CENPT: variants seen among roughly 807,000 people sequenced by gnomAD.
CENPT encodes interphase centromere complex protein 22.
CENPT carries 42 observed loss-of-function variants against 59.7 expected under a neutral mutation model. The observed-to-expected ratio is 0.70, with a 90% CI of 0.55 to 0.91. CENPT has a LOEUF of 0.91. Ranked by LOEUF, CENPT falls within the 40% of genes least tolerant of loss-of-function variation. The pLI is 0.00. For missense variants in CENPT, 716 were observed against 713.4 expected (o/e 1.00, Z -0.04); for synonymous variants, 295 against 289.6 (o/e 1.02, Z -0.19).
intron 4 of CENPT, 49 bp downstream of exon 4, chr16:67,833,701 T>C (rs375248908): frequency 1.7e-6 from 2 of 1,189,070 alleles, no homozygotes; most frequent in Non-Finnish European, 2.3e-6. Flanking sequence ...CAGACCCCAC[T>C]CCCCGGTCCC....
Position 67,842,349 on chromosome 16 carries a change from CCAGGCGGGCGGCGCGGCGCGGGCCGG to C in CENPT, c.-492+5026_-492+5051del. On this transcript the variant is annotated intron_variant, in intron 1 of 15. Transcript: ENST00000562787. This position sits in a 1 kb window ranked among gnomAD's most constrained non-coding sequence, Gnocchi z 4.9. ...CCCACTCCCGAGCGCAGGCGGGCAG[CCAGGCGGGCGGCGCGGCGCGGGCCGG>C]CAGGAAGCGTATTCTGGGCACGGGG... 4.9e-6 allele frequency: 1 copy of C among 205,172 alleles called. No homozygotes were observed. The allele number at this position is 205,172 out of a possible 1,614,324, so 12.7% of individuals were successfully genotyped here.
At chr16:67,832,604 A>T (rs1420861757) in intron 4 of CENPT, 59 bp from the exon 5 acceptor site, 2 of 1,467,606 alleles carry the variant, frequency 1.4e-6, no homozygotes, top group Non-Finnish European at 1.9e-6. Flanking sequence ...GAGAATATAG[A>T]GACATGCCTT....
At position 67,828,181 on chromosome 16, in the gene CENPT, G is replaced by A; in HGVS notation, c.*86C>T. On this transcript the variant is annotated 3_prime_UTR_variant, in exon 16 of 16. Transcript: ENST00000562787. ...ATTCTGTTTATGACACTTTATTGAT[G>A]CTGGGGGGGTGGGGAGGAGACCTGG... 1 of 1,367,642 alleles carries A rather than the reference G, an allele frequency of 7.3e-7. No individual in the cohort carries two copies. The highest frequency in any genetic ancestry group is 2.5e-5 in the East Asian group (1 of 39,232). 84.7% of individuals were successfully genotyped at this position (1,367,642 alleles called of 1,614,324 possible).
Position 67,831,748 on chromosome 16 carries a change from C to A in CENPT, c.523+6G>T. On this transcript the variant is annotated splice_donor_region_variant and intron_variant, in intron 8 of 15. Transcript: ENST00000562787. ...AGGGTAGCAAAAGTGGTGTCCAGGG[C>A]CTCACCTTGGGAGAGAGACAGCCCC... 6.3e-7 allele frequency: 1 copy of A among 1,580,722 alleles called. No individual in the cohort carries two copies.
At chr16:67,832,623 G>T (rs2057704549) in intron 4 of CENPT, 78 bp from the exon 5 acceptor site, 3 of 1,323,494 alleles carry the variant, frequency 2.3e-6, no homozygotes, top group Admixed American at 2.0e-5. Flanking sequence ...TTCATCAGGG[G>T]TCTTGGTCTG....
intron 1 of CENPT, among the ~76,000 whole-genome samples, chr16:67,839,554 C>T (rs1314846221): frequency 2.6e-5 from 4 of 151,660 alleles, no homozygotes; most frequent in Admixed American, 6.6e-5. Context: ...AGTGAGACAT[C>T]GTCTAAGAAA....
rs1274113256 is a variant in CENPT, at chr16:67,843,060, C to A, written c.-492+4341G>T. 6.2e-7 allele frequency: 1 copy of A among 1,612,046 alleles called. No homozygotes were observed. The highest frequency in any genetic ancestry group is 8.5e-7 in the Non-Finnish European group (1 of 1,180,030). ...CAGGCCACTGTAGACAGCAGTCAGG[C>A]TCCGGGATCCGTACAGCCGGCGCCC... On this transcript the variant is annotated intron_variant, in intron 1 of 15. Coordinates refer to ENST00000562787, the MANE Select transcript of CENPT (RefSeq NM_025082.4). This position sits in a 1 kb window ranked among gnomAD's most constrained non-coding sequence, Gnocchi z 5.7.
chr16:67,842,839 T>A lies in CENPT; in HGVS notation c.-492+4562A>T. 1 of 1,601,796 alleles carries A rather than the reference T, an allele frequency of 6.2e-7. No homozygotes were observed. The highest frequency in any genetic ancestry group is 8.5e-7 in the Non-Finnish European group (1 of 1,178,008). ...AGCGCAAAGTAGCGCGCAGACCCGC[T>A]GGGGCCGCGGCCGCCCGCCGCAGGC... On this transcript the variant is annotated intron_variant, in intron 1 of 15. Coordinates refer to ENST00000562787, the MANE Select transcript of CENPT (RefSeq NM_025082.4). This position sits in a 1 kb window ranked among gnomAD's most constrained non-coding sequence, Gnocchi z 4.9.
Position 67,843,634 on chromosome 16 carries a change from G to A in CENPT, c.-492+3767C>T. 1 of 880,020 alleles carries A rather than the reference G, an allele frequency of 1.1e-6. No homozygotes were observed. The highest frequency in any genetic ancestry group is 1.7e-6 in the Non-Finnish European group (1 of 584,124). The allele number at this position is 880,020 out of a possible 1,614,324, so 54.5% of individuals were successfully genotyped here. On this transcript the variant is annotated intron_variant, in intron 1 of 15. Transcript: ENST00000562787. This position sits in a 1 kb window ranked among gnomAD's most constrained non-coding sequence, Gnocchi z 5.7. ...TTAAGGCAGCTGGACTCTCTTGCTG[G>A]TGACCTGGCATCCTCAATTGTTTCC...
intron 13 of CENPT, chr16:67,829,129 G>C (rs1442589623): frequency 5.8e-6 from 3 of 516,732 alleles, no homozygotes; most frequent in African/African-American, 2.0e-5. Context: ...AGAATGGATA[G>C]TCTCTCTCCT....
At chr16:67,841,373 A>AC in intron 1 of CENPT, among the ~76,000 whole-genome samples, 1 of 152,170 alleles carries the variant, frequency 6.6e-6, no homozygotes, top group Admixed American at 6.6e-5. Flanking sequence ...GCTTGGCCCT[A>AC]CCCGGGCCAC....
intron 1 of CENPT, among the ~76,000 whole-genome samples, chr16:67,846,095 T>C (rs558685296): frequency 6.6e-6 from 1 of 152,294 alleles, no homozygotes; most frequent in East Asian, 1.9e-4. Flanking sequence ...AATGTTTGTG[T>C]TACCAAGAAA....
rs2057719596 is a variant in CENPT at position 67,834,005 on chromosome 16, G to A, written c.-146C>T. 1.8e-6 allele frequency: 1 copy of A among 550,720 alleles called. No individual in the cohort carries two copies. The allele number at this position is 550,720 out of a possible 1,614,324, so 34.1% of individuals were successfully genotyped here. ...ACTATCGCAGCTCGCGGGGTGGACA[G>A]TGATGGTTGCAAACTCCGGATGCTT... is the stretch of plus-strand genomic sequence containing the variant. On this transcript the variant is annotated 5_prime_UTR_variant, in exon 4 of 16. Coordinates refer to ENST00000562787, the MANE Select transcript of CENPT (RefSeq NM_025082.4).
Position 67,830,403 on chromosome 16 carries a change from C to T in CENPT, c.849G>A (p.Gly283=). 1 of 1,610,730 alleles carries T rather than the reference C, an allele frequency of 6.2e-7. No individual in the cohort carries two copies. Among genetic ancestry groups the T allele is most frequent in the Non-Finnish European group, 8.5e-7 (1 of 1,178,770 alleles). The stretch of plus-strand genomic sequence containing the variant: ...CCACACACTCACTATTCTTCTGCAG[C>T]CCAGGCCCACTGCTCTGTGTCTTGC... ...AGRKTQSSGP[G]LQKNSPGKPA... Residue 283 remains glycine (G), a synonymous_variant, in exon 11 of 16, where the codon GGG becomes GGA. Coordinates refer to ENST00000562787, the MANE Select transcript of CENPT (RefSeq NM_025082.4).
chr16:67,842,971 T>C lies in CENPT; in HGVS notation c.-492+4430A>G, dbSNP rs2057775390. 6.2e-7 allele frequency: 1 copy of C among 1,608,196 alleles called. No homozygotes were observed. Among genetic ancestry groups the C allele is most frequent in the African/African-American group, 1.3e-5 (1 of 74,694 alleles). On this transcript the variant is annotated intron_variant, in intron 1 of 15. Coordinates refer to ENST00000562787, the MANE Select transcript of CENPT (RefSeq NM_025082.4). The surrounding 1 kb of genome is among the most constrained non-coding windows in gnomAD (Gnocchi z 4.9). Reference sequence around the variant, plus strand: ...AGCAGTCCTCACCCTCTGCCTCCACTGCCCAGACTGCCCAGCTGCAGCCGA... The same window carrying C: ...AGCAGTCCTCACCCTCTGCCTCCACCGCCCAGACTGCCCAGCTGCAGCCGA...
In CENPT at chr16:67,842,456, G is replaced by A. The variant is rs1179828854; in HGVS notation, c.-492+4945C>T. The A allele has an allele frequency of 7.0e-6, 7 of 995,894 alleles. No homozygotes were observed. Among genetic ancestry groups the A allele is most frequent in the Admixed American group, 4.5e-5 (1 of 22,292 alleles). The allele number at this position is 995,894 out of a possible 1,614,324, so 61.7% of individuals were successfully genotyped here. On this transcript the variant is annotated intron_variant, in intron 1 of 15. Transcript: ENST00000562787. This position sits in a 1 kb window ranked among gnomAD's most constrained non-coding sequence, Gnocchi z 4.9. Reference sequence around the variant, plus strand: ...GTGGTGGGATACCACCCAAGGCCTCGCGCGGCGCCGCCCGTCGAGGGGCGG... The same window carrying A: ...GTGGTGGGATACCACCCAAGGCCTCACGCGGCGCCGCCCGTCGAGGGGCGG...
Position 67,828,455 on chromosome 16 carries a change from A to C in CENPT, c.1562+19T>G, listed in dbSNP as rs1162190528. On this transcript the variant is annotated intron_variant, in intron 15 of 15. Transcript: ENST00000562787. ...CAAAACTCCCCCAGCCAGCACCCCC[A>C]CACCTTCCGCCTTCTCACCGCCGCA... 1 of 1,613,904 alleles carries C rather than the reference A, an allele frequency of 6.2e-7. No homozygotes were observed. Among genetic ancestry groups the C allele is most frequent in the Non-Finnish European group, 8.5e-7 (1 of 1,179,994 alleles).
At position 67,835,301 on chromosome 16, in the gene CENPT, C is replaced by T. The variant is rs867766922; in HGVS notation, c.-370-1G>A. 6.6e-6 allele frequency: 1 copy of T among 152,124 alleles called. No individual in the cohort carries two copies. The highest frequency in any genetic ancestry group is 2.4e-5 in the African/African-American group (1 of 41,398). The allele number at this position is 152,124 out of a possible 1,614,324, so 9.4% of individuals were successfully genotyped here. On this transcript the variant is annotated splice_acceptor_variant, in intron 2 of 15. Coordinates refer to ENST00000562787, the MANE Select transcript of CENPT (RefSeq NM_025082.4). LOFTEE classifies it low-confidence loss of function (5UTR_SPLICE). ...GGAGTTCACTTTCCCAGAATCTGCA[C>T]TGAGATCAAGTGTAAATTATCAGAT...
intron 1 of CENPT, among the ~76,000 whole-genome samples, chr16:67,837,807 T>C (rs1243332603): frequency 6.6e-6 from 1 of 152,152 alleles, no homozygotes; most frequent in Non-Finnish European, 1.5e-5. Flanking sequence ...TTAAAAAAAA[T>C]ACTGGGATGA....
Sources: gnomAD v4.1 joint callset for allele counts (sites outside exome capture counted in the v4.1 genomes callset) on GRCh38, gnomAD v4.1.1 for gene constraint, Gnocchi (gnomAD v3.1) non-coding constraint, MANE v1.5 for transcripts, NCBI Gene and HGNC (gene_info 2026-07-23, HGNC 2026-07-21) for gene names.